Variants in KIAA1217 observed in about 807,000 individuals in gnomAD.
KIAA1217 encodes sickle tail protein homolog.
Under a neutral mutation model 163.9 loss-of-function variants are expected in KIAA1217, and 88 were observed. That is an observed-to-expected ratio of 0.54 (90% CI 0.45 to 0.64). The LOEUF is 0.64. Among genes scored for constraint, KIAA1217 ranks in the 30% least tolerant of loss-of-function variants. The pLI is 0.00. For missense variants in KIAA1217, 2,372 were observed against 2,475.0 expected (o/e 0.96, Z 0.88); for synonymous variants, 903 against 923.1 (o/e 0.98, Z 0.39).
chr10:24,191,552 A>AATATATATAT (rs59779872), intron 2 of KIAA1217, among the ~76,000 whole-genome samples: 3 of 148,264 alleles, frequency 2.0e-5, no homozygotes, highest in Non-Finnish European at 3.0e-5. Flanking sequence ...TGTACCCACA[A>AATATATATAT]ATATATATAT....
intron 2 of KIAA1217, among the ~76,000 whole-genome samples, chr10:24,315,308 C>A (rs564380171): frequency 6.6e-6 from 1 of 152,168 alleles, no homozygotes; most frequent in South Asian, 2.1e-4. Flanking sequence ...TAAAAAGGAG[C>A]CCAAATTTCA....
At chr10:24,380,349 G>A (rs2053121319) in intron 2 of KIAA1217, among the ~76,000 whole-genome samples, 1 of 152,102 alleles carries the variant, frequency 6.6e-6, no homozygotes, top group South Asian at 2.1e-4. Context: ...ATGGAGACCA[G>A]GTGCAGCGGG....
chr10:24,066,638 G>C (rs755268384), intron 2 of KIAA1217, among the ~76,000 whole-genome samples: 2 of 152,000 alleles, frequency 1.3e-5, no homozygotes, highest in African/African-American at 4.8e-5. Context: ...TGCTCTTCTC[G>C]AGGAGTATCT....
chr10:24,368,110 C>T (rs905355774), intron 2 of KIAA1217, among the ~76,000 whole-genome samples: 1 of 152,212 alleles, frequency 6.6e-6, no homozygotes, highest in African/African-American at 2.4e-5. Flanking sequence ...AGAGAATTTT[C>T]ATGTCACACA....
intron 2 of KIAA1217, among the ~76,000 whole-genome samples, chr10:24,253,495 C>A (rs1349086814): frequency 6.6e-6 from 1 of 152,178 alleles, no homozygotes; most frequent in East Asian, 1.9e-4. Flanking sequence ...AAGCCAAATG[C>A]TGGTATTTCT....
chr10:24,135,446 G>A (rs1465612468), intron 2 of KIAA1217, among the ~76,000 whole-genome samples: 2 of 151,942 alleles, frequency 1.3e-5, no homozygotes, highest in East Asian at 3.9e-4. Flanking sequence ...GGGACTGGGC[G>A]GGGCTGAGTT....
At chr10:23,880,580 A>G (rs901851012) in intron 1 of KIAA1217, among the ~76,000 whole-genome samples, 1 of 151,960 alleles carries the variant, frequency 6.6e-6, no homozygotes, top group Non-Finnish European at 1.5e-5. Context: ...TTAATTGTTC[A>G]TTGAAAAATA....
At chr10:23,893,686 A>G (rs1297878114) in intron 1 of KIAA1217, among the ~76,000 whole-genome samples, 1 of 151,972 alleles carries the variant, frequency 6.6e-6, no homozygotes, top group East Asian at 1.9e-4. Context: ...GACGCAACCA[A>G]AAAAGAGAAT....
intron 6 of KIAA1217, among the ~76,000 whole-genome samples, chr10:24,480,330 C>T (rs370818650): frequency 6.6e-6 from 1 of 152,224 alleles, no homozygotes; most frequent in Non-Finnish European, 1.5e-5. Flanking sequence ...CTCCATTCTG[C>T]CCTCCTCCTC....
intron 2 of KIAA1217, among the ~76,000 whole-genome samples, chr10:24,347,430 A>G (rs2047926678): frequency 6.6e-6 from 1 of 152,138 alleles, no homozygotes; most frequent in Non-Finnish European, 1.5e-5. Context: ...CTTCCTCTAC[A>G]CTTTCCTTAC....
intron 1 of KIAA1217, among the ~76,000 whole-genome samples, chr10:23,719,053 T>A (rs575883193): frequency 6.6e-6 from 1 of 152,318 alleles, no homozygotes; most frequent in Admixed American, 6.5e-5. Context: ...CTTCTAAGCA[T>A]ATACCACAAG....
chr10:24,547,272 A>G lies in KIAA1217; in HGVS notation c.*948A>G, dbSNP rs1381073670. On this transcript the variant is annotated 3_prime_UTR_variant, in exon 21 of 21. Coordinates refer to ENST00000376454, the MANE Select transcript of KIAA1217 (RefSeq NM_019590.5). Reference sequence around the variant, plus strand: ...AAATACTGTATGTGACAGCACATAGAGTAGTTTTCCCACACCAAAGTTAAT... The same window carrying G: ...AAATACTGTATGTGACAGCACATAGGGTAGTTTTCCCACACCAAAGTTAAT... The G allele has an allele frequency of 1.3e-5, 2 of 152,602 alleles. No individual in the cohort carries two copies. Among genetic ancestry groups the G allele is most frequent in the African/African-American group, 2.4e-5 (1 of 41,450 alleles). 9.5% of individuals were successfully genotyped at this position (152,602 alleles called of 1,614,324 possible).
intron 2 of KIAA1217, among the ~76,000 whole-genome samples, chr10:24,023,695 TG>T (rs754160945): frequency 2.0e-5 from 3 of 151,734 alleles, no homozygotes; most frequent in Non-Finnish European, 4.4e-5. Flanking sequence ...TATAAAATAA[TG>T]TTCATAGTAA....
intron 5 of KIAA1217, among the ~76,000 whole-genome samples, chr10:24,439,203 A>G (rs1444915667): frequency 2.0e-5 from 3 of 152,296 alleles, no homozygotes; most frequent in Admixed American, 6.5e-5. Context: ...GTTTCTAAAA[A>G]TAAGGCTACA....
intron 2 of KIAA1217, among the ~76,000 whole-genome samples, chr10:24,341,097 C>T (rs1234768778): frequency 6.6e-6 from 1 of 152,044 alleles, no homozygotes; most frequent in African/African-American, 2.4e-5. Flanking sequence ...ATTAGATCTG[C>T]TTGTTATCCT....
At chr10:24,289,663 C>T (rs1045468372) in intron 2 of KIAA1217, among the ~76,000 whole-genome samples, 3 of 152,082 alleles carry the variant, frequency 2.0e-5, no homozygotes, top group South Asian at 2.1e-4. Context: ...AGAGAGTTTC[C>T]GTGTGGGAAG....
chr10:24,304,901 T>G (rs1284632990), intron 2 of KIAA1217, among the ~76,000 whole-genome samples: 2 of 152,292 alleles, frequency 1.3e-5, no homozygotes, highest in East Asian at 3.9e-4. Context: ...AAGGTACTTA[T>G]GGGCTATGCT....
At chr10:24,299,847 G>A (rs1262669914) in intron 2 of KIAA1217, among the ~76,000 whole-genome samples, 1 of 152,104 alleles carries the variant, frequency 6.6e-6, no homozygotes, top group Non-Finnish European at 1.5e-5. Flanking sequence ...TAACCAGTGT[G>A]GTGCCTCCCT....
chr10:24,115,806 C>T (rs72773172), intron 2 of KIAA1217, among the ~76,000 whole-genome samples: 1,786 of 152,260 alleles, frequency 0.012, 18 homozygotes, highest in Non-Finnish European at 0.017. Context: ...TTCCTGGATA[C>T]GGGGCCTTCA....
Sources: gnomAD v4.1 joint callset for allele counts (sites outside exome capture counted in the v4.1 genomes callset) on GRCh38, gnomAD v4.1.1 for gene constraint, MANE v1.5 for transcripts, NCBI Gene and HGNC (gene_info 2026-07-23, HGNC 2026-07-21) for gene names.